Variants in TNFSF8 observed in about 807,000 individuals in gnomAD.
The protein encoded by TNFSF8 is tumor necrosis factor ligand superfamily member 8.
In TNFSF8, 4 loss-of-function variants were observed where a neutral mutation model predicts 22.0. That is an observed-to-expected ratio of 0.18 (90% CI 0.09 to 0.42). The LOEUF is 0.42. Among genes scored for constraint, TNFSF8 ranks in the 10% least tolerant of loss-of-function variants. TNFSF8 has a pLI of 1.00. For synonymous variants in TNFSF8, 106 were observed against 112.5 expected (o/e 0.94, Z 0.37); for missense variants, 233 against 281.8 (o/e 0.83, Z 1.24).
In TNFSF8 at chr9:114,901,189, T is replaced by G. The variant is rs982155607; in HGVS notation, c.*2742A>C. 1.0e-6 allele frequency: 1 copy of G among 985,268 alleles called. No individual in the cohort carries two copies. The highest frequency in any genetic ancestry group is 1.2e-6 in the Non-Finnish European group (1 of 829,888). 61.0% of individuals were successfully genotyped at this position (985,268 alleles called of 1,614,324 possible). The stretch of plus-strand genomic sequence containing the variant: ...TTTATTTTACTTGCATAGATATCAT[T>G]TTACTCATGGAGTATCATTTGCTCA... On this transcript the variant is annotated 3_prime_UTR_variant, in exon 4 of 4. Coordinates refer to ENST00000223795, the MANE Select transcript of TNFSF8 (RefSeq NM_001244.4).
chr9:114,904,314 G>C lies in TNFSF8; in HGVS notation c.322C>G (p.Leu108Val). The C allele has an allele frequency of 6.2e-7, 1 of 1,605,670 alleles. No individual in the cohort carries two copies. Among genetic ancestry groups the C allele is most frequent in the African/African-American group, 1.3e-5 (1 of 74,658 alleles). The change falls in exon 4 of 4, where the codon CTA becomes GTA. Residue 108 changes from leucine to valine, a missense_variant. Physicochemically the swap from Leu to Val is conservative, Grantham distance 32. Transcript: ENST00000223795. ...SWAYLQVAKH[L>V]NKTKLSWNKD... ...TTCCAAGACAACTTGGTTTTGTTTA[G>C]ATGCTTTGCCACTAGAAAGAGAAGT...
intron 2 of TNFSF8, among the ~76,000 whole-genome samples, chr9:114,909,220 A>G (rs1019603876): frequency 1.3e-5 from 2 of 152,216 alleles, no homozygotes; most frequent in African/African-American, 2.4e-5. Flanking sequence ...CTGTGAGTCT[A>G]TGATATAACT....
chr9:114,897,059 C>A (rs181727003), downstream of TNFSF8, among the ~76,000 whole-genome samples: 1 of 152,072 alleles, frequency 6.6e-6, no homozygotes, highest in Admixed American at 6.5e-5. Flanking sequence ...TGTGCCACCA[C>A]GCCTGGCTAA....
intron 1 of TNFSF8, among the ~76,000 whole-genome samples, chr9:114,919,002 T>C (rs983643564): frequency 3.3e-5 from 5 of 150,438 alleles, no homozygotes; most frequent in Non-Finnish European, 5.9e-5. Flanking sequence ...TAATCAAGTA[T>C]ATCATAAAAG....
At chr9:114,923,004 T>G (rs1161693158) in intron 1 of TNFSF8, among the ~76,000 whole-genome samples, 3 of 152,138 alleles carry the variant, frequency 2.0e-5, no homozygotes, top group African/African-American at 7.2e-5. Context: ...TCTTGAGAGA[T>G]GGCTGTAGGA....
chr9:114,910,373 A>G (rs1827838071), intron 2 of TNFSF8, among the ~76,000 whole-genome samples: 1 of 152,166 alleles, frequency 6.6e-6, no homozygotes, highest in African/African-American at 2.4e-5. Flanking sequence ...GCTAACAGAG[A>G]TCCTAGTTTT....
chr9:114,916,998 G>A lies in TNFSF8; in HGVS notation c.238+1098C>T, dbSNP rs572063036. ...ATTGTTGACAAGGCTATGATTATTA[G>A]TCTGCCTTGAAAGATCCAGAATCCC... On this transcript the variant is annotated intron_variant, in intron 2 of 3. Coordinates refer to ENST00000223795, the MANE Select transcript of TNFSF8 (RefSeq NM_001244.4). Among the ~76,000 whole-genome samples, 3 of 152,292 alleles carry A rather than the reference G, an allele frequency of 2.0e-5. No individual in the cohort carries two copies. In the South Asian group the frequency reaches 6.2e-4, roughly 32 times the overall value.
At chr9:114,900,501 C>T (rs979119628), downstream of TNFSF8, among the ~76,000 whole-genome samples, 4 of 152,194 alleles carry the variant, frequency 2.6e-5, no homozygotes, top group Admixed American at 2.0e-4. Flanking sequence ...GATAGGGCCT[C>T]CTATAGCCTT....
At chr9:114,918,841 C>T (rs1827951581) in intron 1 of TNFSF8, among the ~76,000 whole-genome samples, 1 of 152,148 alleles carries the variant, frequency 6.6e-6, no homozygotes, top group African/African-American at 2.4e-5. Flanking sequence ...CCTTGTGGTC[C>T]ACCCGCCTCA....
chr9:114,894,036 C>T (rs1266828072), exon 5 of TNFSF8: 11 of 1,480,272 alleles, frequency 7.4e-6, no homozygotes, highest in Admixed American at 2.0e-5. Flanking sequence ...GACAGTGACC[C>T]AGGGTAGAAG....
intron 1 of TNFSF8, among the ~76,000 whole-genome samples, chr9:114,923,413 A>G (rs940431962): frequency 2.0e-5 from 3 of 152,002 alleles, no homozygotes; most frequent in Non-Finnish European, 2.9e-5. Context: ...AAATGGCAAA[A>G]CCACCAAGTG....
intron 2 of TNFSF8, among the ~76,000 whole-genome samples, chr9:114,907,035 GC>G (rs1827793998): frequency 6.6e-6 from 1 of 152,218 alleles, no homozygotes; most frequent in Non-Finnish European, 1.5e-5. Context: ...TCACTGCATT[GC>G]CGAGTAGTAC....
chr9:114,904,042 C>T lies in TNFSF8; in HGVS notation c.594G>A (p.Leu198=). ...TGACTGATATGGTGGTGTTGACCTG[C>T]AGGTAATCCAGCAAGAATTGAGAGA... The part of the protein sequence containing the change: ...QNLSQFLLDY[L]QVNTTISVNV... Residue 198 remains leucine, a synonymous_variant, in exon 4 of 4, where the codon CTG becomes CTA. Coordinates refer to ENST00000223795, the MANE Select transcript of TNFSF8 (RefSeq NM_001244.4). The T allele has an allele frequency of 6.2e-7, 1 of 1,614,122 alleles. No individual in the cohort carries two copies. The highest frequency in any genetic ancestry group is 1.3e-5 in the African/African-American group (1 of 75,046).
rs376684435 is a variant in TNFSF8, at chr9:114,927,211, T to C, written c.195+2898A>G. 7.3e-5 allele frequency among the ~76,000 whole-genome samples: 11 copies of C among 151,666 alleles called. No homozygotes were observed. In the East Asian group the frequency reaches 2.1e-3, roughly 29 times the overall value. On this transcript the variant is annotated intron_variant, in intron 1 of 3. Transcript: ENST00000223795. ...AACCACCACTGAGGCTTCAAAAATA[T>C]CACAGGAAAGAAGTAAGTTCCATAG...
chr9:114,909,362 T>C (rs1288998793), intron 2 of TNFSF8, among the ~76,000 whole-genome samples: 3 of 151,836 alleles, frequency 2.0e-5, no homozygotes, highest in African/African-American at 7.3e-5. Flanking sequence ...CCTGGAGAGG[T>C]TTAGTTTGAA....
chr9:114,907,299 T>A (rs956444584), intron 2 of TNFSF8, among the ~76,000 whole-genome samples: 2 of 152,168 alleles, frequency 1.3e-5, no homozygotes, highest in African/African-American at 4.8e-5. Flanking sequence ...GTGGGTCAGC[T>A]GTCATCCCCT....
chr9:114,907,526 A>G (rs1003755658), intron 2 of TNFSF8, among the ~76,000 whole-genome samples: 4 of 152,186 alleles, frequency 2.6e-5, no homozygotes, highest in African/African-American at 7.2e-5. Flanking sequence ...GTCTGTTTGC[A>G]TGGAAGCCCT....
intron 1 of TNFSF8, among the ~76,000 whole-genome samples, chr9:114,925,790 C>A (rs1828049951): frequency 6.6e-6 from 1 of 152,072 alleles, no homozygotes; most frequent in Non-Finnish European, 1.5e-5. Context: ...ATACTCCAAC[C>A]TTTTGGAATG....
chr9:114,930,482 C>T lies in TNFSF8; in HGVS notation c.-179G>A. ...TCTGGGGGCGTGAGGCGAGAGGCGG[C>T]AGCAAGGGTGGGGGAGAGGTTCATT... On this transcript the variant is annotated 5_prime_UTR_variant, in exon 1 of 4. Transcript: ENST00000223795. 1 of 473,048 alleles carries T rather than the reference C, an allele frequency of 2.1e-6. No homozygotes were observed. The highest frequency in any genetic ancestry group is 3.6e-6 in the Non-Finnish European group (1 of 275,818). 29.3% of individuals were successfully genotyped at this position (473,048 alleles called of 1,614,324 possible).
Sources: gnomAD v4.1 joint callset for allele counts (sites outside exome capture counted in the v4.1 genomes callset) on GRCh38, gnomAD v4.1.1 for gene constraint, MANE v1.5 for transcripts, NCBI Gene and HGNC (gene_info 2026-07-23, HGNC 2026-07-21) for gene names.